The following FA2H variants were observed in gnomAD, a reference collection of about 807,000 sequenced individuals.
The protein encoded by FA2H is fatty acid 2-hydroxylase, also known as fatty acid alpha-hydroxylase.
A neutral mutation model predicts 44.9 loss-of-function variants in FA2H; 22 were observed. The ratio of observed to expected loss-of-function variants is 0.49; its 90% CI spans 0.35 to 0.70. The LOEUF (loss-of-function observed/expected upper bound fraction) is 0.70. Ranked by LOEUF, FA2H falls within the 30% of genes least tolerant of loss-of-function variation. The pLI is 0.01. For missense variants in FA2H, 501 were observed against 504.9 expected, an observed-to-expected ratio of 0.99 and a Z score of 0.07; for synonymous variants, 243 against 213.2, an observed-to-expected ratio of 1.14 and a Z score of -1.22.
chr16:74,738,088 C>T (rs1962216454), intron 2 of FA2H, among the ~76,000 whole-genome samples: 1 of 152,238 alleles, frequency 6.6e-6, no homozygotes, highest in Non-Finnish European at 1.5e-5. Context: ...TGAAGGGGTT[C>T]CCATGCACAC....
Position 74,714,402 on chromosome 16 carries a change from C to G in FA2H, c.1040-133G>C, listed in dbSNP as rs1387699966. ...TCTGTCCCCTTGGCCTTCCCAACTC[C>G]CGAGGCCATTCTGGCAGAAGTCAAG... On this transcript the variant is annotated intron_variant, in intron 6 of 6. Coordinates refer to ENST00000219368, the MANE Select transcript of FA2H (RefSeq NM_024306.5). 28 of 706,314 alleles carry G rather than the reference C, an allele frequency of 4.0e-5. No homozygotes were observed. In the East Asian group the frequency reaches 7.3e-4, roughly 18 times the overall value. The allele number at this position is 706,314 out of a possible 1,614,324, so 43.8% of individuals were successfully genotyped here. A position where few individuals can be genotyped will look rare whatever the true frequency, so the allele number is the denominator to read the frequency against.
chr16:74,768,181 CAATT>C (rs1220466768), intron 1 of FA2H, among the ~76,000 whole-genome samples: 1 of 152,208 alleles, frequency 6.6e-6, no homozygotes, highest in Non-Finnish European at 1.5e-5. Flanking sequence ...CTTCCAAAGA[CAATT>C]ACTCTCATGT....
rs1208446986 is a variant in FA2H at position 74,741,808 on chromosome 16, A to ATGTG, written c.271-1697_271-1694dup. 6.9e-3 allele frequency among the ~76,000 whole-genome samples: 333 copies of ATGTG among 48,232 alleles called. 11 individuals carry two copies. Among genetic ancestry groups the ATGTG allele is most frequent in the East Asian group, 0.046 (75 of 1,642 alleles). 31.6% of individuals were successfully genotyped at this position (48,232 alleles called of 152,430 possible). ...TATATATATATATATATATATATAT[A>ATGTG]TGTGTGTGTGTGTGTGTGTGTGTGT... On this transcript the variant is annotated intron_variant, in intron 1 of 6. Coordinates refer to ENST00000219368, the MANE Select transcript of FA2H (RefSeq NM_024306.5).
intron 1 of FA2H, among the ~76,000 whole-genome samples, chr16:74,754,081 G>A (rs1450601041): frequency 6.6e-6 from 1 of 152,158 alleles, no homozygotes; most frequent in Non-Finnish European, 1.5e-5. Flanking sequence ...GGTTGTTTGA[G>A]TGGCAGAAGT....
intron 1 of FA2H, among the ~76,000 whole-genome samples, chr16:74,750,228 C>T (rs1045505243): frequency 6.6e-6 from 1 of 152,162 alleles, no homozygotes; most frequent in African/African-American, 2.4e-5. Flanking sequence ...GGAAAATACA[C>T]GTACGACACC....
At chr16:74,737,086 G>A (rs1962196780) in intron 2 of FA2H, among the ~76,000 whole-genome samples, 1 of 152,146 alleles carries the variant, frequency 6.6e-6, no homozygotes, top group South Asian at 2.1e-4. Flanking sequence ...TCTGGGCAGC[G>A]AACTTCTGCA....
At chr16:74,728,780 C>CTT (rs935652907) in intron 2 of FA2H, among the ~76,000 whole-genome samples, 184 of 113,930 alleles carry the variant, frequency 1.6e-3, no homozygotes, top group African/African-American at 2.2e-3. Context: ...TTATCTCTTT[C>CTT]TTTTTTTTTT....
At chr16:74,771,439 C>T (rs1962904247) in intron 1 of FA2H, among the ~76,000 whole-genome samples, 1 of 151,994 alleles carries the variant, frequency 6.6e-6, no homozygotes, top group Admixed American at 6.6e-5. Flanking sequence ...GATCAGCCTG[C>T]CTCAGCCTCC....
intron 6 of FA2H, among the ~76,000 whole-genome samples, chr16:74,715,894 T>C (rs551539542): frequency 6.6e-6 from 1 of 151,828 alleles, no homozygotes; most frequent in Admixed American, 6.6e-5. Flanking sequence ...TAGCTCACTG[T>C]AGCTTCTGCC....
In FA2H at chr16:74,714,164, G is replaced by A; in HGVS notation, c.*26C>T. On this transcript the variant is annotated 3_prime_UTR_variant, in exon 7 of 7. Transcript: ENST00000219368. ...CGGGAAGGGGCCAGGGCCGGGCTGAGGGCAGGACGGAGGGGGTGGGAGTTG... is the reference window on the plus strand; with the variant it reads ...CGGGAAGGGGCCAGGGCCGGGCTGAAGGCAGGACGGAGGGGGTGGGAGTTG... 1 of 1,488,846 alleles carries A rather than the reference G, an allele frequency of 6.7e-7. No homozygotes were observed. Among genetic ancestry groups the A allele is most frequent in the South Asian group, 1.2e-5 (1 of 82,816 alleles). 92.2% of individuals were successfully genotyped at this position (1,488,846 alleles called of 1,614,324 possible). A position where few individuals can be genotyped will look rare whatever the true frequency, so the allele number is the denominator to read the frequency against.
chr16:74,741,804 AT>A (rs1750523741), intron 1 of FA2H, among the ~76,000 whole-genome samples: 1 of 57,844 alleles, frequency 1.7e-5, no homozygotes, highest in South Asian at 6.5e-4. Context: ...ATATATATAT[AT>A]ATATGTGTGT....
chr16:74,730,230 G>A (rs1047807585), intron 2 of FA2H, among the ~76,000 whole-genome samples: 1 of 152,092 alleles, frequency 6.6e-6, no homozygotes, highest in Non-Finnish European at 1.5e-5. Context: ...TGTGACCAGG[G>A]TGAAGGGCCC....
At chr16:74,769,384 A>C (rs981899737) in intron 1 of FA2H, among the ~76,000 whole-genome samples, 4 of 152,130 alleles carry the variant, frequency 2.6e-5, no homozygotes, top group Non-Finnish European at 4.4e-5. Flanking sequence ...GGCATGAGCC[A>C]CCGTGCCTGG....
intron 1 of FA2H, among the ~76,000 whole-genome samples, chr16:74,773,894 A>G (rs1962955093): frequency 6.6e-6 from 1 of 152,190 alleles, no homozygotes; most frequent in African/African-American, 2.4e-5. Flanking sequence ...GCCAGCGTGT[A>G]GGACAAGAAT....
At position 74,754,524 on chromosome 16, in the gene FA2H, TTTTA is replaced by T. The variant is rs1165892430; in HGVS notation, c.271-14413_271-14410del. ...ATGTGACTTTATTTGGAAACAGGAT[TTTTA>T]TTTATTTATTTATTTTTGAGACAGG... On this transcript the variant is annotated intron_variant, in intron 1 of 6. Coordinates refer to ENST00000219368, the MANE Select transcript of FA2H (RefSeq NM_024306.5). Among the ~76,000 whole-genome samples the T allele has an allele frequency of 4.6e-5, 7 of 152,150 alleles. No homozygotes were observed. In the South Asian group the frequency reaches 6.2e-4, roughly 14 times the overall value.
intron 1 of FA2H, among the ~76,000 whole-genome samples, chr16:74,744,402 A>G (rs1962375366): frequency 6.6e-6 from 1 of 150,734 alleles, no homozygotes; most frequent in Admixed American, 6.6e-5. Context: ...AAATGAAGAT[A>G]TGTGTGCTTT....
In FA2H at chr16:74,740,193, G is replaced by A. The variant is rs1012775949; in HGVS notation, c.271-78C>T. The stretch of plus-strand genomic sequence containing the variant: ...AGAGCCCCGAGCTGCCCCGAGAAGA[G>A]GCAGCCAGGAGTGGTGAGAGCCCCG... On this transcript the variant is annotated intron_variant, in intron 1 of 6. Coordinates refer to ENST00000219368, the MANE Select transcript of FA2H (RefSeq NM_024306.5). The A allele has an allele frequency of 2.5e-6, 3 of 1,215,118 alleles. No individual in the cohort carries two copies. The African/African-American group carries it at 4.5e-5, about 18-fold the overall frequency. The allele number at this position is 1,215,118 out of a possible 1,614,324, so 75.3% of individuals were successfully genotyped here.
intron 4 of FA2H, among the ~76,000 whole-genome samples, chr16:74,721,458 A>G (rs1280687759): frequency 6.6e-6 from 1 of 152,122 alleles, no homozygotes; most frequent in East Asian, 1.9e-4. Flanking sequence ...GTGAGCCATC[A>G]TGCTTGGCCT....
intron 5 of FA2H, chr16:74,716,846 G>T: frequency 5.0e-5 from 17 of 341,884 alleles, no homozygotes; most frequent in Admixed American, 7.6e-5. Flanking sequence ...GGATGGGCGG[G>T]ATGGGCAGGA....
Sources: gnomAD v4.1 joint callset for allele counts (sites outside exome capture counted in the v4.1 genomes callset) on GRCh38, gnomAD v4.1.1 for gene constraint, MANE v1.5 for transcripts, NCBI Gene and HGNC (gene_info 2026-07-23, HGNC 2026-07-21) for gene names.